Variants in EXOC4 observed in about 807,000 individuals in gnomAD.
The protein encoded by EXOC4 is SEC8-like 1.
In EXOC4, 71 loss-of-function variants were observed where a neutral mutation model predicts 107.2. That is an observed-to-expected ratio of 0.66 (90% CI 0.55 to 0.81). EXOC4 has a LOEUF of 0.81. Ranked by LOEUF, EXOC4 falls within the 30% of genes least tolerant of loss-of-function variation. The pLI, the probability that EXOC4 is intolerant of heterozygous loss-of-function variation, is 0.00. For synonymous variants in EXOC4, 456 were observed against 441.2 expected, an observed-to-expected ratio of 1.03 and a Z score of -0.42; for missense variants, 1,108 against 1,189.6, an observed-to-expected ratio of 0.93 and a Z score of 1.01.
At chr7:133,880,062 C>T (rs1256412116) in intron 11 of EXOC4, among the ~76,000 whole-genome samples, 2 of 152,200 alleles carry the variant, frequency 1.3e-5, no homozygotes, top group Non-Finnish European at 2.9e-5. Flanking sequence ...CACCTTTTCC[C>T]TTGCCTGAAT....
At chr7:133,712,379 C>A (rs995088201) in intron 10 of EXOC4, among the ~76,000 whole-genome samples, 1 of 124,884 alleles carries the variant, frequency 8.0e-6, no homozygotes, top group Non-Finnish European at 1.6e-5. Flanking sequence ...GCAGAGGTTG[C>A]GGTGAGCTGA....
intron 11 of EXOC4, among the ~76,000 whole-genome samples, chr7:133,868,636 C>T (rs184730280): frequency 7.6e-4 from 115 of 152,206 alleles, no homozygotes; most frequent in Non-Finnish European, 1.2e-3. Flanking sequence ...CTGGGGCTGT[C>T]GGGAATTCAA....
intron 10 of EXOC4, among the ~76,000 whole-genome samples, chr7:133,639,279 C>G (rs904902026): frequency 6.6e-6 from 1 of 152,114 alleles, no homozygotes; most frequent in Non-Finnish European, 1.5e-5. Context: ...ACACACACCC[C>G]CTCTTTCCGA....
intron 9 of EXOC4, among the ~76,000 whole-genome samples, chr7:133,602,796 G>A (rs909088499): frequency 1.3e-5 from 2 of 152,188 alleles, no homozygotes; most frequent in Admixed American, 6.5e-5. Flanking sequence ...CTGTGCCTTG[G>A]CATGAGCAGC....
At chr7:133,336,074 A>T (rs1344580405) in intron 5 of EXOC4, among the ~76,000 whole-genome samples, 7 of 152,108 alleles carry the variant, frequency 4.6e-5, no homozygotes, top group African/African-American at 1.7e-4. Flanking sequence ...GAGGCTCTTT[A>T]TATATTCTGT....
chr7:133,844,279 C>T (rs1321887597), intron 11 of EXOC4, among the ~76,000 whole-genome samples: 2 of 149,486 alleles, frequency 1.3e-5, no homozygotes, highest in Non-Finnish European at 3.0e-5. Flanking sequence ...CAATTTCTGT[C>T]AATTGCCTGT....
intron 10 of EXOC4, among the ~76,000 whole-genome samples, chr7:133,740,150 T>G (rs1296887049): frequency 1.3e-5 from 2 of 152,180 alleles, no homozygotes; most frequent in Non-Finnish European, 2.9e-5. Flanking sequence ...AGCATGATAA[T>G]AGTAATACTT....
chr7:133,456,364 C>T (rs1798463352), intron 7 of EXOC4, among the ~76,000 whole-genome samples: 1 of 152,114 alleles, frequency 6.6e-6, no homozygotes, highest in Non-Finnish European at 1.5e-5. Flanking sequence ...AATTATATCT[C>T]CACTGTGTGA....
chr7:134,100,323 G>A, the EXOC4 span, among the ~76,000 whole-genome samples: 2 of 132,324 alleles, frequency 1.5e-5, no homozygotes, highest in Non-Finnish European at 3.4e-5. Context: ...TTCAGAGGGA[G>A]CAAGCCTCTA....
chr7:133,259,227 A>T (rs1432059484), intron 1 of EXOC4, among the ~76,000 whole-genome samples: 2 of 150,490 alleles, frequency 1.3e-5, no homozygotes, highest in African/African-American at 4.9e-5. Flanking sequence ...CCCATAGTTT[A>T]ATTTCTTTTT....
chr7:133,451,654 C>T (rs1798350845), intron 7 of EXOC4, among the ~76,000 whole-genome samples: 1 of 152,126 alleles, frequency 6.6e-6, no homozygotes, highest in Non-Finnish European at 1.5e-5. Flanking sequence ...AACCTTGAGT[C>T]AGAGAAAGAG....
intron 15 of EXOC4, among the ~76,000 whole-genome samples, chr7:134,000,578 G>C (rs79986056): frequency 0.033 from 4,982 of 152,224 alleles, 141 homozygotes; most frequent in Non-Finnish European, 0.05. Flanking sequence ...AAATGAATTG[G>C]TTTGCAGTTT....
intron 14 of EXOC4, among the ~76,000 whole-genome samples, chr7:133,979,802 A>T (rs538689853): frequency 1.6e-4 from 25 of 152,144 alleles, no homozygotes; most frequent in Admixed American, 1.1e-3. Context: ...AAAAAGAAAA[A>T]AAAACCCTAA....
intron 10 of EXOC4, among the ~76,000 whole-genome samples, chr7:133,711,027 C>T (rs186627663): frequency 2.6e-5 from 4 of 152,050 alleles, no homozygotes; most frequent in African/African-American, 9.7e-5. Flanking sequence ...TGATACACCA[C>T]ACCGTCCCCA....
rs150871318 is a variant in EXOC4 at position 133,659,308 on chromosome 7, C to T, written c.1514+29167C>T. 9.7e-4 allele frequency among the ~76,000 whole-genome samples: 148 copies of T among 152,044 alleles called. 1 individual carries two copies. The highest frequency in any genetic ancestry group is 3.3e-3 in the African/African-American group (136 of 41,478). On this transcript the variant is annotated intron_variant, in intron 10 of 17. Transcript: ENST00000253861. ...AGTTGCTGAAGATTATTTAAGTATC[C>T]GATAAGTGGTAACTATGGTGACAGT...
At chr7:133,582,442 T>C (rs2150968915) in intron 9 of EXOC4, among the ~76,000 whole-genome samples, 1 of 152,334 alleles carries the variant, frequency 6.6e-6, no homozygotes, top group Non-Finnish European at 1.5e-5. Context: ...AGTGTCCTTA[T>C]AGATGTTACT....
the EXOC4 span, among the ~76,000 whole-genome samples, chr7:134,089,040 C>G: frequency 6.6e-6 from 1 of 152,018 alleles, no homozygotes; most frequent in South Asian, 2.1e-4. Flanking sequence ...CTTGTATAAC[C>G]CTTTACAATT....
intron 7 of EXOC4, among the ~76,000 whole-genome samples, chr7:133,465,668 G>A (rs1274935212): frequency 6.6e-6 from 1 of 152,042 alleles, no homozygotes; most frequent in African/African-American, 2.4e-5. Context: ...ACATTTAAAA[G>A]AATTGAAATC....
intron 11 of EXOC4, among the ~76,000 whole-genome samples, chr7:133,865,298 A>C (rs897462492): frequency 1.3e-5 from 2 of 152,166 alleles, no homozygotes; most frequent in Non-Finnish European, 2.9e-5. Flanking sequence ...TGAATACATA[A>C]ATATAGTTTG....
Sources: allele counts gnomAD v4.1 joint callset (sites outside exome capture counted in the v4.1 genomes callset), GRCh38; gene constraint gnomAD v4.1.1; transcripts MANE v1.5; gene names NCBI Gene and HGNC (gene_info 2026-07-23, HGNC 2026-07-21).